SUGCT: variants seen among roughly 807,000 people sequenced by gnomAD.
SUGCT encodes the protein succinyl-CoA:glutarate CoA-transferase.
Under a neutral mutation model 55.0 loss-of-function variants are expected in SUGCT, and 41 were observed. That is an observed-to-expected ratio of 0.74 (90% CI 0.58 to 0.97). The LOEUF (loss-of-function observed/expected upper bound fraction) is 0.97, where lower values mean the gene tolerates loss of function less well. Among genes scored for constraint, SUGCT ranks in the 50% least tolerant of loss-of-function variants. The pLI is 0.00. For synonymous variants in SUGCT, 187 were observed against 200.4 expected (o/e 0.93, Z 0.56); for missense variants, 568 against 547.8 (o/e 1.04, Z -0.37).
chr7:40,174,131 T>C (rs1234637749), intron 1 of SUGCT, among the ~76,000 whole-genome samples: 1 of 152,090 alleles, frequency 6.6e-6, no homozygotes, highest in Non-Finnish European at 1.5e-5. Flanking sequence ...GGAGCAATTC[T>C]CCTGCCTCAG....
At chr7:41,002,247 C>G in the SUGCT span, among the ~76,000 whole-genome samples, 1 of 152,108 alleles carries the variant, frequency 6.6e-6, no homozygotes, top group Non-Finnish European at 1.5e-5. Context: ...TCTCAAACGC[C>G]CAACCTCAAG....
At chr7:40,578,721 A>G (rs1425865105) in intron 12 of SUGCT, among the ~76,000 whole-genome samples, 1 of 152,198 alleles carries the variant, frequency 6.6e-6, no homozygotes, top group Non-Finnish European at 1.5e-5. Flanking sequence ...GCACTCAAGA[A>G]TGGGAAGTCT....
rs1184425096 is a variant in SUGCT at position 40,635,355 on chromosome 7, T to A, written c.1090-114079T>A. 2.0e-5 allele frequency among the ~76,000 whole-genome samples: 3 copies of A among 151,658 alleles called. No individual in the cohort carries two copies. In the South Asian group the frequency reaches 6.2e-4, roughly 32 times the overall value. ...GGATTGAGTCAATTACATAAAATAT[T>A]GCAGAAAGAAAAAGTTGGATATACT... On this transcript the variant is annotated intron_variant, in intron 12 of 13. Coordinates refer to ENST00000335693, the MANE Select transcript of SUGCT (RefSeq NM_001193313.2).
the SUGCT span, among the ~76,000 whole-genome samples, chr7:40,883,486 T>G: frequency 6.6e-6 from 1 of 152,220 alleles, no homozygotes; most frequent in Non-Finnish European, 1.5e-5. Context: ...CTGACCCATA[T>G]TCTGTATGAA....
At chr7:41,012,939 TA>T in the SUGCT span, among the ~76,000 whole-genome samples, 1 of 151,908 alleles carries the variant, frequency 6.6e-6, no homozygotes, top group Non-Finnish European at 1.5e-5. Context: ...AATTTCTGTG[TA>T]AGTGAATTAC....
intron 9 of SUGCT, among the ~76,000 whole-genome samples, chr7:40,423,490 A>G (rs181881921): frequency 3.5e-4 from 54 of 152,266 alleles, no homozygotes; most frequent in Non-Finnish European, 6.0e-4. Flanking sequence ...GTTCCTCAAC[A>G]TAATTTTTAA....
chr7:40,479,459 T>C (rs1233274430), intron 11 of SUGCT, among the ~76,000 whole-genome samples: 1 of 152,152 alleles, frequency 6.6e-6, no homozygotes, highest in Non-Finnish European at 1.5e-5. Context: ...CCATCTAGGT[T>C]TGTGTAAGTA....
intron 13 of SUGCT, among the ~76,000 whole-genome samples, chr7:40,795,153 G>C (rs1056343599): frequency 2.0e-5 from 3 of 152,022 alleles, no homozygotes; most frequent in Non-Finnish European, 4.4e-5. Context: ...GTGGGCTCAA[G>C]CATCTTTGAG....
chr7:40,290,128 C>A (rs1172355653), intron 8 of SUGCT, among the ~76,000 whole-genome samples: 3 of 152,006 alleles, frequency 2.0e-5, no homozygotes, highest in African/African-American at 7.2e-5. Context: ...CTACCAATGA[C>A]TTTCTTCACA....
intron 7 of SUGCT, among the ~76,000 whole-genome samples, chr7:40,247,504 C>T (rs1312586633): frequency 1.3e-5 from 2 of 152,092 alleles, no homozygotes. Flanking sequence ...TTGATCCACC[C>T]GCCTGGACCT....
At chr7:40,679,830 C>A (rs1259931848) in intron 12 of SUGCT, among the ~76,000 whole-genome samples, 1 of 152,120 alleles carries the variant, frequency 6.6e-6, no homozygotes, top group African/African-American at 2.4e-5. Context: ...TGTGATTGAT[C>A]CTCTTATTCA....
At position 40,663,485 on chromosome 7, in the gene SUGCT, A is replaced by G. The variant is rs981986321; in HGVS notation, c.1090-85949A>G. ...TATTCACCAAATTACTTTGTGGTGT[A>G]TGTGTGTGTGTGTGTGTGTGTGTGT... On this transcript the variant is annotated intron_variant, in intron 12 of 13. Coordinates refer to ENST00000335693, the MANE Select transcript of SUGCT (RefSeq NM_001193313.2). Among the ~76,000 whole-genome samples the G allele has an allele frequency of 3.0e-3, 408 of 135,058 alleles. 1 individual carries two copies. Among genetic ancestry groups the G allele is most frequent in the African/African-American group, 6.3e-3 (238 of 38,000 alleles). 88.6% of individuals were successfully genotyped at this position (135,058 alleles called of 152,430 possible).
intron 12 of SUGCT, among the ~76,000 whole-genome samples, chr7:40,626,384 GC>G (rs1267826221): frequency 2.6e-5 from 4 of 151,868 alleles, no homozygotes; most frequent in South Asian, 2.1e-4. Context: ...AGCCTCCTGA[GC>G]AGCTGTGACT....
At chr7:40,835,158 T>G (rs1016908418) in intron 13 of SUGCT, among the ~76,000 whole-genome samples, 11 of 152,344 alleles carry the variant, frequency 7.2e-5, no homozygotes, top group Admixed American at 1.3e-4. Context: ...TTAAGTTTAA[T>G]TCAAACACCC....
At chr7:40,356,499 A>T (rs1411016636) in intron 9 of SUGCT, among the ~76,000 whole-genome samples, 2 of 152,160 alleles carry the variant, frequency 1.3e-5, no homozygotes, top group East Asian at 3.8e-4. Flanking sequence ...TCAGAATATT[A>T]AACTTCTATT....
intron 12 of SUGCT, among the ~76,000 whole-genome samples, chr7:40,520,755 A>G (rs1166035899): frequency 6.6e-6 from 1 of 152,102 alleles, no homozygotes; most frequent in Non-Finnish European, 1.5e-5. Context: ...TGACTTGAAT[A>G]AGCATTTCAA....
intron 9 of SUGCT, among the ~76,000 whole-genome samples, chr7:40,336,357 G>T (rs553394120): frequency 3.3e-5 from 5 of 152,076 alleles, no homozygotes; most frequent in Non-Finnish European, 7.4e-5. Flanking sequence ...GGTAGAATTC[G>T]GCTGTGAATC....
At chr7:40,532,526 CTGTGTGTGTGTGTGTGTG>C (rs3048827) in intron 12 of SUGCT, among the ~76,000 whole-genome samples, 5 of 134,162 alleles carry the variant, frequency 3.7e-5, no homozygotes, top group South Asian at 5.1e-4. Flanking sequence ...GCAAGTATGT[CTGTGTGTGTGTGTGTGTG>C]TGTGTGTGTG....
At chr7:40,186,813 G>C (rs1447880959) in intron 3 of SUGCT, among the ~76,000 whole-genome samples, 1 of 152,164 alleles carries the variant, frequency 6.6e-6, no homozygotes, top group Non-Finnish European at 1.5e-5. Flanking sequence ...GTTCACTGCT[G>C]TGTCTGCTCT....
Sources: gnomAD v4.1 joint callset for allele counts (sites outside exome capture counted in the v4.1 genomes callset) on GRCh38, gnomAD v4.1.1 for gene constraint, MANE v1.5 for transcripts, NCBI Gene and HGNC (gene_info 2026-07-23, HGNC 2026-07-21) for gene names.